The following WASHC5 variants were observed in gnomAD, a reference collection of about 807,000 sequenced individuals.
The protein encoded by WASHC5 is WASH complex subunit strumpellin.
Under a neutral mutation model 150.4 loss-of-function variants are expected in WASHC5, and 101 were observed. That is an observed-to-expected ratio of 0.67 (90% CI 0.57 to 0.79). The LOEUF (loss-of-function observed/expected upper bound fraction) is 0.79, where lower values mean the gene tolerates loss of function less well. WASHC5 is among the 30% of genes least tolerant of loss of function. WASHC5 has a pLI of 0.00. For synonymous variants in WASHC5, 467 were observed against 491.2 expected, an observed-to-expected ratio of 0.95 and a Z score of 0.65; for missense variants, 1,195 against 1,396.3, an observed-to-expected ratio of 0.86 and a Z score of 2.30.
intron 15 of WASHC5, among the ~76,000 whole-genome samples, 182 bp from the exon 16 acceptor site, chr8:125,056,999 T>C (rs574729909): frequency 1.3e-5 from 2 of 152,310 alleles, no homozygotes; most frequent in South Asian, 4.1e-4. Context: ...TTACAGAATA[T>C]AAAGCTAATC....
intron 12 of WASHC5, among the ~76,000 whole-genome samples, chr8:125,059,803 A>G (rs1488934924): frequency 1.3e-5 from 2 of 152,212 alleles, no homozygotes; most frequent in Non-Finnish European, 2.9e-5. Context: ...CTTTTGATGC[A>G]CTTTTAAAAA....
intron 14 of WASHC5, 136 bp from the exon 15 acceptor site, chr8:125,057,802 G>A: frequency 1.6e-6 from 1 of 634,362 alleles, no homozygotes. Context: ...TGACAATACA[G>A]TTTTTGAAAA....
intron 1 of WASHC5, among the ~76,000 whole-genome samples, chr8:125,091,295 C>G (rs1817630034): frequency 6.6e-6 from 1 of 152,172 alleles, no homozygotes; most frequent in South Asian, 2.1e-4. Flanking sequence ...ACTAGCCTTT[C>G]AGTTTTCTCA....
At chr8:125,072,750 C>T (rs1318197966) in intron 9 of WASHC5, among the ~76,000 whole-genome samples, 1 of 152,164 alleles carries the variant, frequency 6.6e-6, no homozygotes, top group African/African-American at 2.4e-5. Context: ...TAGGCAACCT[C>T]AATCCCCCTT....
rs1474138370 is a variant in WASHC5, at chr8:125,061,196, T to C, written c.1409-2A>G. On this transcript the variant is annotated splice_acceptor_variant, in intron 11 of 28. Coordinates refer to ENST00000318410, the MANE Select transcript of WASHC5 (RefSeq NM_014846.4). LOFTEE classifies it high-confidence loss of function. ...CTCTGAACCAAGCTTGAAGGTTTTCTAGTAATACAGAAATAAGAAAATACT... is the reference window on the plus strand; with the variant it reads ...CTCTGAACCAAGCTTGAAGGTTTTCCAGTAATACAGAAATAAGAAAATACT... 2 of 1,479,040 alleles carry C rather than the reference T, an allele frequency of 1.4e-6. No homozygotes were observed. Among genetic ancestry groups the C allele is most frequent in the South Asian group, 1.1e-5 (1 of 88,074 alleles). 91.6% of individuals were successfully genotyped at this position (1,479,040 alleles called of 1,614,324 possible).
At chr8:125,043,960 A>C (rs1414641731) in intron 22 of WASHC5, 32 bp downstream of exon 22, 2 of 1,443,108 alleles carry the variant, frequency 1.4e-6, no homozygotes, top group Non-Finnish European at 1.8e-6. Context: ...CTACAGTGTC[A>C]TCCCCGCCTC....
chr8:125,057,715 A>G, intron 14 of WASHC5, 49 bp from the exon 15 acceptor site: 11 of 1,195,996 alleles, frequency 9.2e-6, no homozygotes, highest in Non-Finnish European at 1.4e-5. Flanking sequence ...AAAGAGTCCT[A>G]GAAATCTTTC....
At chr8:125,025,470 A>G (rs879613915) in intron 28 of WASHC5, among the ~76,000 whole-genome samples, 1 of 152,140 alleles carries the variant, frequency 6.6e-6, no homozygotes, top group Non-Finnish European at 1.5e-5. Flanking sequence ...TGGGTGGATC[A>G]TGAGGTCAGG....
Position 125,067,616 on chromosome 8 carries a change from T to G in WASHC5, c.1254A>C (p.Ala418=). The change falls in exon 10 of 29, where the codon GCA becomes GCC. Residue 418 remains alanine, a synonymous_variant. Transcript: ENST00000318410. Reference sequence around the variant, plus strand: ...CCTCTTTGAGTATAAACTCAAATTGTGCAGTATCTAACAGCAGCTGGAAGA... The same window carrying G: ...CCTCTTTGAGTATAAACTCAAATTGGGCAGTATCTAACAGCAGCTGGAAGA... ...RILFQLLLDT[A]QFEFILKEMF... is the part of the protein sequence containing the mutation. The G allele has an allele frequency of 1.2e-6, 2 of 1,612,688 alleles. No individual in the cohort carries two copies. The highest frequency in any genetic ancestry group is 8.5e-7 in the Non-Finnish European group (1 of 1,178,806).
chr8:125,055,706 G>A (rs762452875), intron 16 of WASHC5, 35 bp from the exon 17 acceptor site: 1 of 1,209,388 alleles, frequency 8.3e-7, no homozygotes, highest in South Asian at 1.2e-5. Context: ...AAAAATCACT[G>A]TCTAATAGTC....
chr8:125,073,440 T>C (rs1168740229), intron 8 of WASHC5, 116 bp from the exon 9 acceptor site: 15 of 879,862 alleles, frequency 1.7e-5, no homozygotes, highest in South Asian at 1.1e-4. Flanking sequence ...GAATGACATA[T>C]GGATTACAGT....
chr8:125,073,281 A>C lies in WASHC5; in HGVS notation c.1022T>G (p.Val341Gly). ...ATVSERVHAQVQQFLKEGYLR... is the reference protein window; with the variant it reads ...ATVSERVHAQGQQFLKEGYLR... ...ATAACCTTCTTTTAGAAATTGCTGC[A>C]CTTGAGCATGCACTCTTTCACTGAC... is the stretch of plus-strand genomic sequence containing the variant. The change falls in exon 9 of 29, where the codon GTG (valine) becomes GGG (glycine). Residue 341 changes from valine to glycine, a missense_variant. Val to Gly is a moderately radical substitution (Grantham distance 109). Transcript: ENST00000318410. 1.9e-6 allele frequency: 3 copies of C among 1,614,064 alleles called. No homozygotes were observed. The highest frequency in any genetic ancestry group is 2.5e-6 in the Non-Finnish European group (3 of 1,179,942).
chr8:125,030,226 C>T (rs905917395), intron 27 of WASHC5, among the ~76,000 whole-genome samples: 1 of 152,178 alleles, frequency 6.6e-6, no homozygotes, highest in Non-Finnish European at 1.5e-5. Flanking sequence ...CACCTCCGCA[C>T]CACCTGAACT....
In WASHC5 at chr8:125,044,298, A is replaced by G. The variant is rs561085199; in HGVS notation, c.2668-204T>C. 1.6e-4 allele frequency among the ~76,000 whole-genome samples: 25 copies of G among 152,360 alleles called. No homozygotes were observed. In the South Asian group the frequency reaches 2.5e-3, roughly 15 times the overall value. On this transcript the variant is annotated intron_variant, in intron 21 of 28. Coordinates refer to ENST00000318410, the MANE Select transcript of WASHC5 (RefSeq NM_014846.4). ...AAAAGTCACTGGCTTCAAGGATTAA[A>G]AAGTCTTATCTTCCCAAGTTGAAAC...
intron 23 of WASHC5, among the ~76,000 whole-genome samples, chr8:125,043,288 G>T (rs1350752252): frequency 6.6e-6 from 1 of 152,196 alleles, no homozygotes; most frequent in African/African-American, 2.4e-5. Flanking sequence ...TAGGCAGCTG[G>T]ATTCTAAAAT....
intron 27 of WASHC5, among the ~76,000 whole-genome samples, chr8:125,028,918 T>C (rs142146113): frequency 6.6e-6 from 1 of 152,320 alleles, no homozygotes; most frequent in Admixed American, 6.5e-5. Flanking sequence ...AGCTTCTCTA[T>C]ACGGTTTCCA....
chr8:125,081,028 A>T (rs1817242201), intron 5 of WASHC5, among the ~76,000 whole-genome samples: 2 of 152,202 alleles, frequency 1.3e-5, no homozygotes, highest in Non-Finnish European at 2.9e-5. Context: ...AGATTCTTTG[A>T]AATTTAGCCT....
chr8:125,057,796 A>G, intron 14 of WASHC5, 130 bp from the exon 15 acceptor site: 3 of 640,258 alleles, frequency 4.7e-6, no homozygotes, highest in Admixed American at 4.5e-5. Context: ...AGTTTCTGAC[A>G]ATACAGTTTT....
chr8:125,058,420 T>C (rs1026218634), intron 14 of WASHC5, among the ~76,000 whole-genome samples: 64 of 151,716 alleles, frequency 4.2e-4, no homozygotes, highest in African/African-American at 1.5e-3. Flanking sequence ...CATCTCAGAA[T>C]TGATGTACAT....
Sources: allele counts gnomAD v4.1 joint callset (sites outside exome capture counted in the v4.1 genomes callset), GRCh38; gene constraint gnomAD v4.1.1; transcripts MANE v1.5; gene names NCBI Gene and HGNC (gene_info 2026-07-23, HGNC 2026-07-21).